The following SGCZ variants were observed in gnomAD, a reference collection of about 807,000 sequenced individuals.
SGCZ encodes sarcoglycan zeta, also known as zeta-sarcoglycan.
SGCZ carries 40 observed loss-of-function variants against 41.3 expected under a neutral mutation model. The ratio of observed to expected loss-of-function variants is 0.97; its 90% confidence interval spans 0.75 to 1.26. SGCZ has a LOEUF of 1.26. SGCZ is among the 50% of genes most tolerant of loss of function. The pLI is 0.00. For missense variants in SGCZ, 552 were observed against 369.8 expected (o/e 1.49, Z -4.04); for synonymous variants, 206 against 137.5 (o/e 1.50, Z -3.49).
At chr8:14,740,170 T>C (rs139872168) in intron 1 of SGCZ, among the ~76,000 whole-genome samples, 29 of 152,150 alleles carry the variant, frequency 1.9e-4, no homozygotes, top group East Asian at 7.8e-4. Context: ...TCTAGAGTCA[T>C]TGACTTTAAT....
At chr8:14,955,787 T>C (rs1800772755) in intron 1 of SGCZ, among the ~76,000 whole-genome samples, 3 of 152,174 alleles carry the variant, frequency 2.0e-5, no homozygotes. Context: ...GAATCATGTA[T>C]ATCAACTCAA....
At chr8:15,201,335 A>G (rs1183233081) in intron 1 of SGCZ, among the ~76,000 whole-genome samples, 1 of 152,092 alleles carries the variant, frequency 6.6e-6, no homozygotes, top group African/African-American at 2.4e-5. Context: ...TTTCAAAGAG[A>G]CAAGAAGAGA....
At chr8:15,134,209 C>CA (rs1808021182) in intron 1 of SGCZ, among the ~76,000 whole-genome samples, 1 of 152,008 alleles carries the variant, frequency 6.6e-6, no homozygotes, top group South Asian at 2.1e-4. Flanking sequence ...AAATCATTAT[C>CA]ATACCAGCTG....
chr8:14,285,744 T>C (rs981930797), intron 3 of SGCZ, among the ~76,000 whole-genome samples: 7 of 152,196 alleles, frequency 4.6e-5, no homozygotes, highest in African/African-American at 1.7e-4. Context: ...CTTAATACTT[T>C]GAGATATGGG....
chr8:14,566,855 C>T (rs1213119793), intron 1 of SGCZ, among the ~76,000 whole-genome samples: 4 of 152,160 alleles, frequency 2.6e-5, no homozygotes, highest in Non-Finnish European at 5.9e-5. Context: ...GGGCTGCACA[C>T]GGTGCTTGCG....
chr8:15,114,328 C>G (rs933573183), intron 1 of SGCZ, among the ~76,000 whole-genome samples: 2 of 152,106 alleles, frequency 1.3e-5, no homozygotes, highest in African/African-American at 4.8e-5. Context: ...TCCACAATCT[C>G]TAGTTTGCTG....
chr8:14,578,673 A>G (rs1804791533), intron 1 of SGCZ, among the ~76,000 whole-genome samples: 1 of 152,218 alleles, frequency 6.6e-6, no homozygotes, highest in East Asian at 1.9e-4. Flanking sequence ...TTCGGTGATG[A>G]ATAATAAGGG....
intron 1 of SGCZ, among the ~76,000 whole-genome samples, chr8:15,223,511 C>T (rs1235995664): frequency 3.9e-5 from 6 of 152,132 alleles, no homozygotes; most frequent in South Asian, 2.1e-4. Context: ...CATTATTTAA[C>T]GTGTGTTTTA....
intron 2 of SGCZ, among the ~76,000 whole-genome samples, chr8:14,457,963 C>T (rs1415999527): frequency 6.6e-6 from 1 of 152,112 alleles, no homozygotes; most frequent in Admixed American, 6.5e-5. Flanking sequence ...TACACTCTCT[C>T]GTCACCACGC....
intron 1 of SGCZ, among the ~76,000 whole-genome samples, chr8:15,009,783 T>A (rs1321258030): frequency 6.6e-6 from 1 of 152,190 alleles, no homozygotes; most frequent in Admixed American, 6.5e-5. Context: ...AAAATTTGAA[T>A]GACCTGGTAT....
At chr8:14,212,117 G>A (rs550427634) in intron 4 of SGCZ, among the ~76,000 whole-genome samples, 1 of 152,148 alleles carries the variant, frequency 6.6e-6, no homozygotes, top group Admixed American at 6.5e-5. Flanking sequence ...GATTACTGAG[G>A]CTTGGCATCT....
At chr8:15,105,501 G>A (rs1001059567) in intron 1 of SGCZ, among the ~76,000 whole-genome samples, 8 of 152,166 alleles carry the variant, frequency 5.3e-5, no homozygotes, top group Non-Finnish European at 8.8e-5. Context: ...GCAGGAGAGA[G>A]AGAGAGAGAG....
chr8:14,974,110 C>A (rs920366115), intron 1 of SGCZ, among the ~76,000 whole-genome samples: 10 of 152,238 alleles, frequency 6.6e-5, no homozygotes, highest in African/African-American at 1.9e-4. Context: ...TGACACTGTG[C>A]AAAATCAGCT....
chr8:14,633,811 G>A (rs1158481018), intron 1 of SGCZ, among the ~76,000 whole-genome samples: 3 of 151,946 alleles, frequency 2.0e-5, no homozygotes, highest in Middle Eastern at 3.4e-3. Flanking sequence ...TAAATCTGAA[G>A]GATGAATTAA....
At chr8:14,731,783 A>G (rs1046684429) in intron 1 of SGCZ, among the ~76,000 whole-genome samples, 3 of 152,098 alleles carry the variant, frequency 2.0e-5, no homozygotes, top group African/African-American at 7.2e-5. Flanking sequence ...CCAAATCTCT[A>G]AGACCATTTC....
intron 2 of SGCZ, among the ~76,000 whole-genome samples, chr8:14,526,725 A>G (rs886583113): frequency 2.6e-5 from 4 of 152,130 alleles, no homozygotes; most frequent in Non-Finnish European, 5.9e-5. Flanking sequence ...TGTGAAATGC[A>G]TATCACATCA....
At chr8:15,186,215 T>A (rs1800335913) in intron 1 of SGCZ, among the ~76,000 whole-genome samples, 1 of 132,002 alleles carries the variant, frequency 7.6e-6, no homozygotes, top group East Asian at 2.2e-4. Context: ...TGAGCAGAGA[T>A]CGTGCCACTG....
chr8:14,702,826 T>TAGAC (rs1809194250), intron 1 of SGCZ, among the ~76,000 whole-genome samples: 1 of 26,656 alleles, frequency 3.8e-5, no homozygotes, highest in South Asian at 1.3e-3. Flanking sequence ...GATAGATAGA[T>TAGAC]AGATAGATAG....
At chr8:14,862,295 T>C (rs907173853) in intron 1 of SGCZ, among the ~76,000 whole-genome samples, 4 of 151,812 alleles carry the variant, frequency 2.6e-5, no homozygotes, top group South Asian at 4.2e-4. Context: ...ACTTCCTCCA[T>C]TTGAGGGACC....
Sources: gnomAD v4.1 joint callset for allele counts (sites outside exome capture counted in the v4.1 genomes callset) on GRCh38, gnomAD v4.1.1 for gene constraint, MANE v1.5 for transcripts, NCBI Gene and HGNC (gene_info 2026-07-23, HGNC 2026-07-21) for gene names.